Variants in COL7A1 observed in about 807,000 individuals in gnomAD.
The protein encoded by COL7A1 is collagen type VII alpha 1 chain.
In COL7A1, 296 loss-of-function variants were observed where a neutral mutation model predicts 456.2. The ratio of observed to expected loss-of-function variants is 0.65; its 90% CI spans 0.59 to 0.71. The LOEUF is 0.71. COL7A1 is among the 30% of genes least tolerant of loss of function. COL7A1 has a pLI of 0.00. For synonymous variants in COL7A1, 1,464 were observed against 1,525.9 expected (o/e 0.96, Z 0.95); for missense variants, 3,441 against 4,017.2 (o/e 0.86, Z 3.88).
In COL7A1 at chr3:48,590,873, C is replaced by G; in HGVS notation, c.1637-57G>C. The G allele has an allele frequency of 6.5e-7, 1 of 1,527,066 alleles. No homozygotes were observed. 94.6% of individuals were successfully genotyped at this position (1,527,066 alleles called of 1,614,324 possible). On this transcript the variant is annotated intron_variant, in intron 13 of 118. Transcript: ENST00000681320. The surrounding 1 kb of genome is among the most constrained non-coding windows in gnomAD (Gnocchi z 4.6). ...GTCAGAAAGAGACAGGGATGTGGGACGATGGCAGTGATGGACAGGGACGCA... is the reference window on the plus strand; with the variant it reads ...GTCAGAAAGAGACAGGGATGTGGGAGGATGGCAGTGATGGACAGGGACGCA...
In COL7A1 at chr3:48,590,672, C is replaced by G; in HGVS notation, c.1780+1G>C. 6.2e-7 allele frequency: 1 copy of G among 1,614,030 alleles called. No homozygotes were observed. Among genetic ancestry groups the G allele is most frequent in the East Asian group, 2.2e-5 (1 of 44,882 alleles). On this transcript the variant is annotated splice_donor_variant, in intron 14 of 118. Coordinates refer to ENST00000681320, the MANE Select transcript of COL7A1 (RefSeq NM_000094.4). LOFTEE classifies it high-confidence loss of function. This position sits in a 1 kb window ranked among gnomAD's most constrained non-coding sequence, Gnocchi z 4.6. ...CTCCACAAGCCTCCTGCAGTACTCACCCCGGCGGACAGTGAGGACACTGGC... is the reference window on the plus strand; with the variant it reads ...CTCCACAAGCCTCCTGCAGTACTCAGCCCGGCGGACAGTGAGGACACTGGC...
rs2043507902 is a variant in COL7A1, at chr3:48,564,241, CA to C, written c.*164del. The C allele has an allele frequency of 2.4e-6, 2 of 835,628 alleles. No individual in the cohort carries two copies. Among genetic ancestry groups the C allele is most frequent in the South Asian group, 2.9e-5 (2 of 67,964 alleles). The allele number at this position is 835,628 out of a possible 1,614,324, so 51.8% of individuals were successfully genotyped here. On this transcript the variant is annotated 3_prime_UTR_variant, in exon 119 of 119. Transcript: ENST00000681320. The surrounding 1 kb of genome is among the most constrained non-coding windows in gnomAD (Gnocchi z 6.0). ...AGGAGCCACAATGGGGGTTTGTCCA[CA>C]GGGGGGAAGGCTAGACCCACGGGAC...
rs2107786870 is a variant in COL7A1 at position 48,591,492 on chromosome 3, C to G, written c.1608G>C (p.Gln536His). ...GGGTGCTGCGCACAATGATGCGGTA[C>G]TGGGTGGCACCAGGGACTGGGCTCC... ...VSWSPVPGAT[Q>H]YRIIVRSTQG... The change falls in exon 13 of 119, where the codon CAG (glutamine) becomes CAC (histidine). Residue 536 changes from glutamine (Q) to histidine (H), a missense_variant. This residue lies in a region of COL7A1 where 913 missense variants were observed against 1,088.2 expected (regional missense o/e 0.84). Transcript: ENST00000681320. The surrounding 1 kb of genome is among the most constrained non-coding windows in gnomAD (Gnocchi z 7.0). 1 of 1,614,034 alleles carries G rather than the reference C, an allele frequency of 6.2e-7. No homozygotes were observed. Among genetic ancestry groups the G allele is most frequent in the Admixed American group, 1.7e-5 (1 of 60,020 alleles).
rs575419629 is a variant in COL7A1, at chr3:48,567,079, C to G, written c.8109+49G>C. ...AGAGGCCCCAGAGATGGACCCTCTC[C>G]CAAAGTGCACGCTCCCCTCAATTCA... is the stretch of plus-strand genomic sequence containing the variant. On this transcript the variant is annotated intron_variant, in intron 110 of 118. Transcript: ENST00000681320. The surrounding 1 kb of genome is among the most constrained non-coding windows in gnomAD (Gnocchi z 4.3). 7.2e-5 allele frequency: 116 copies of G among 1,613,294 alleles called. 3 individuals carry two copies. The South Asian group carries it at 1.3e-3, about 18-fold the overall frequency.
rs2045868741 is a variant in COL7A1 at position 48,593,649 on chromosome 3, C to CG, written c.313dup (p.Arg105ProfsTer5). 1 of 1,614,074 alleles carries CG rather than the reference C, an allele frequency of 6.2e-7. No homozygotes were observed. The highest frequency in any genetic ancestry group is 8.5e-7 in the Non-Finnish European group (1 of 1,180,042). On this transcript the variant is annotated frameshift_variant, in exon 4 of 119. Coordinates refer to ENST00000681320, the MANE Select transcript of COL7A1 (RefSeq NM_000094.4). LOFTEE classifies it high-confidence loss of function. This position sits in a 1 kb window ranked among gnomAD's most constrained non-coding sequence, Gnocchi z 4.4. ...CTTGTAGCTAAGCTCACGGATGGCG[C>CG]GGATCACATCACCCCCAGAGCCAAG...
Position 48,573,495 on chromosome 3 carries a change from CCA to C in COL7A1, c.6618+16_6618+17del. On this transcript the variant is annotated intron_variant, in intron 83 of 118. Transcript: ENST00000681320. This position sits in a 1 kb window ranked among gnomAD's most constrained non-coding sequence, Gnocchi z 5.5. ...GCTTGAAGGAGCCTCCTCCTCCTAT[CCA>C]CACACCTAGACTCACCTTCAGGCCA... 1.2e-6 allele frequency: 2 copies of C among 1,614,104 alleles called. No individual in the cohort carries two copies. Among genetic ancestry groups the C allele is most frequent in the Non-Finnish European group, 1.7e-6 (2 of 1,180,004 alleles).
chr3:48,584,795 G>A lies in COL7A1; in HGVS notation c.4012-26C>T, dbSNP rs755647921. On this transcript the variant is annotated intron_variant, in intron 34 of 118. Transcript: ENST00000681320. Reference sequence around the variant, plus strand: ...CTGAGGACGAAACAGAGCAGAGGGTGGTGCTTGGGCTCAGGCGAATGTCAA... The same window carrying A: ...CTGAGGACGAAACAGAGCAGAGGGTAGTGCTTGGGCTCAGGCGAATGTCAA... 4.5e-5 allele frequency: 72 copies of A among 1,613,978 alleles called. 1 individual carries two copies. In the South Asian group the frequency reaches 7.7e-4, roughly 17 times the overall value.
In COL7A1 at chr3:48,584,315, G is replaced by A; in HGVS notation, c.4180C>T (p.Pro1394Ser). ...DPGPRGPPGL[P>S]GTAMKGDKGD... Reference sequence around the variant, plus strand: ...GCTGTCACCTTCATGGCTGTTCCAGGAAGCCCTGGGGGGCCACGGGGTCCT... The same window carrying A: ...GCTGTCACCTTCATGGCTGTTCCAGAAAGCCCTGGGGGGCCACGGGGTCCT... Residue 1394 changes from proline (P) to serine (S), a missense_variant, in exon 37 of 119, where the codon CCT (proline) becomes TCT (serine). By Grantham distance (74) the Pro-to-Ser change is moderately conservative. Transcript: ENST00000681320. 6.2e-7 allele frequency: 1 copy of A among 1,611,508 alleles called. No homozygotes were observed. The highest frequency in any genetic ancestry group is 8.5e-7 in the Non-Finnish European group (1 of 1,178,880).
chr3:48,566,472 A>ACCCAGGCCCT lies in COL7A1; in HGVS notation c.8358+28_8358+37dup, dbSNP rs1553849630. The ACCCAGGCCCT allele has an allele frequency of 9.7e-6, 15 of 1,543,312 alleles. No homozygotes were observed. Among genetic ancestry groups the ACCCAGGCCCT allele is most frequent in the African/African-American group, 1.4e-5 (1 of 73,162 alleles). ...GTAGGGCCCCAGCCCACCCAGGCCCACCCAGGCCCTCCCAGGCCCATCCAG... is the reference window on the plus strand; with the variant it reads ...GTAGGGCCCCAGCCCACCCAGGCCCACCCAGGCCCTCCCAGGCCCTCCCAGGCCCATCCAG... On this transcript the variant is annotated intron_variant, in intron 113 of 118. Coordinates refer to ENST00000681320, the MANE Select transcript of COL7A1 (RefSeq NM_000094.4). The surrounding 1 kb of genome is among the most constrained non-coding windows in gnomAD (Gnocchi z 5.9).
chr3:48,583,396 G>T lies in COL7A1; in HGVS notation c.4434C>A (p.Pro1478=). Residue 1478 remains proline (P), a synonymous_variant, in exon 42 of 119, where the codon CCC becomes CCA. Transcript: ENST00000681320. The surrounding 1 kb of genome is among the most constrained non-coding windows in gnomAD (Gnocchi z 5.1). ...GPRGPPGAIG[P]KGDRGFPGPL... is the part of the protein sequence containing the mutation. ...GAATCCCCCAACTGGTACTCACTTT[G>T]GGGCCAATAGCTCCAGGAGGTCCCC... 6.2e-7 allele frequency: 1 copy of T among 1,614,082 alleles called. No individual in the cohort carries two copies. The highest frequency in any genetic ancestry group is 8.5e-7 in the Non-Finnish European group (1 of 1,179,968).
rs753859648 is a variant in COL7A1 at position 48,590,760 on chromosome 3, C to T, written c.1693G>A (p.Val565Ile). Residue 565 changes from valine (V) to isoleucine (I), a missense_variant, in exon 14 of 119, where the codon GTT (valine) becomes ATT (isoleucine). By Grantham distance (29) the Val-to-Ile change is conservative. Transcript: ENST00000681320. This position sits in a 1 kb window ranked among gnomAD's most constrained non-coding sequence, Gnocchi z 4.6. Reference protein sequence around the residue: ...GSQTAFDLDDVQAGLSYTVRV... With the variant: ...GSQTAFDLDDIQAGLSYTVRV... ...ACAGTGTAGCTAAGCCCAGCCTGAA[C>T]GTCATCCAAGTCGAATGCTGTCTGA... The T allele has an allele frequency of 3.1e-6, 5 of 1,613,884 alleles. No individual in the cohort carries two copies. Among genetic ancestry groups the T allele is most frequent in the East Asian group, 4.5e-5 (2 of 44,900 alleles).
rs764789081 is a variant in COL7A1 at position 48,593,110 on chromosome 3, G to A, written c.674C>T (p.Thr225Ile). 1.2e-6 allele frequency: 2 copies of A among 1,614,110 alleles called. No homozygotes were observed. The highest frequency in any genetic ancestry group is 3.3e-5 in the Admixed American group (2 of 60,014). The change falls in exon 6 of 119, where the codon ACC becomes ATC. Residue 225 changes from threonine (T) to isoleucine (I), a missense_variant. Around this residue, in one of 3 missense-constraint regions of COL7A1, gnomAD observed 913 missense variants for 1,088.2 expected, o/e 0.84. Transcript: ENST00000681320. This position sits in a 1 kb window ranked among gnomAD's most constrained non-coding sequence, Gnocchi z 4.4. ...TGTGGGCAGGAACTCACGAGGTCGG[G>A]TCACAGGCACGCCACCAGCAGTCGT... ...VCTTAGGVPV[T>I]RPPDDSTSAP...
At position 48,574,883 on chromosome 3, in the gene COL7A1, C is replaced by T. The variant is rs2044181004; in HGVS notation, c.6280-18G>A. ...ACAGACACCTACAAACACAAGGTCACAGGGGAGAGATGTCTCTGTCATAGA... is the reference window on the plus strand; with the variant it reads ...ACAGACACCTACAAACACAAGGTCATAGGGGAGAGATGTCTCTGTCATAGA... On this transcript the variant is annotated intron_variant, in intron 76 of 118. Transcript: ENST00000681320. This position sits in a 1 kb window ranked among gnomAD's most constrained non-coding sequence, Gnocchi z 5.0. The T allele has an allele frequency of 6.2e-7, 1 of 1,613,618 alleles. No homozygotes were observed. Among genetic ancestry groups the T allele is most frequent in the Non-Finnish European group, 8.5e-7 (1 of 1,179,860 alleles).
rs753699649 is a variant in COL7A1 at position 48,581,962 on chromosome 3, G to C, written c.4636-19C>G. ...CAGGTCCCTGAAAACAAACAGGACAGATACAGCTTGGCCCTGCCTTGGGGT... is the reference window on the plus strand; with the variant it reads ...CAGGTCCCTGAAAACAAACAGGACACATACAGCTTGGCCCTGCCTTGGGGT... On this transcript the variant is annotated intron_variant, in intron 47 of 118. Transcript: ENST00000681320. This position sits in a 1 kb window ranked among gnomAD's most constrained non-coding sequence, Gnocchi z 5.8. 2 of 1,614,016 alleles carry C rather than the reference G, an allele frequency of 1.2e-6. No homozygotes were observed. Among genetic ancestry groups the C allele is most frequent in the East Asian group, 2.2e-5 (1 of 44,876 alleles).
Position 48,593,720 on chromosome 3 carries a change from C to T in COL7A1, c.267-24G>A, listed in dbSNP as rs752677672. The T allele has an allele frequency of 1.2e-6, 2 of 1,614,066 alleles. No homozygotes were observed. The highest frequency in any genetic ancestry group is 2.2e-5 in the South Asian group (2 of 91,090). ...TCCTGTTGGAGGGTAGGGGTGGCAA[C>T]AGGCTAGGACTCAGGATCTCTTCTG... On this transcript the variant is annotated intron_variant, in intron 3 of 118. Transcript: ENST00000681320. This position sits in a 1 kb window ranked among gnomAD's most constrained non-coding sequence, Gnocchi z 4.4.
Position 48,573,977 on chromosome 3 carries a change from A to C in COL7A1, c.6502-87T>G. 6.6e-7 allele frequency: 1 copy of C among 1,520,610 alleles called. No individual in the cohort carries two copies. The highest frequency in any genetic ancestry group is 1.2e-5 in the South Asian group (1 of 86,078). 94.2% of individuals were successfully genotyped at this position (1,520,610 alleles called of 1,614,324 possible). The stretch of plus-strand genomic sequence containing the variant: ...CTGGGGGCTTTTTCCTTGGGGGTCA[A>C]TTTCCATACCTCACCCTTTCCAGTC... On this transcript the variant is annotated intron_variant, in intron 80 of 118. Coordinates refer to ENST00000681320, the MANE Select transcript of COL7A1 (RefSeq NM_000094.4). This position sits in a 1 kb window ranked among gnomAD's most constrained non-coding sequence, Gnocchi z 5.5.
rs557265775 is a variant in COL7A1 at position 48,581,122 on chromosome 3, C to T, written c.4935G>A (p.Pro1645=). 35 of 1,613,958 alleles carry T rather than the reference C, an allele frequency of 2.2e-5. No individual in the cohort carries two copies. Among genetic ancestry groups the T allele is most frequent in the Non-Finnish European group, 1.9e-5 (22 of 1,179,998 alleles). Residue 1645 remains proline (P), a splice_region_variant and synonymous_variant, in exon 53 of 119, where the codon CCG becomes CCA. Coordinates refer to ENST00000681320, the MANE Select transcript of COL7A1 (RefSeq NM_000094.4). This position sits in a 1 kb window ranked among gnomAD's most constrained non-coding sequence, Gnocchi z 5.8. The stretch of plus-strand genomic sequence containing the variant: ...AAACCACAGTGGGAAGGAGTCTCAC[C>T]GGAGGACCCTCGTCACCTTTCTCTC... The part of the protein sequence containing the change: ...EVGEKGDEGP[P]GDPGLPGKAG...
In COL7A1 at chr3:48,583,463, G is replaced by T. The variant is rs776014645; in HGVS notation, c.4402-35C>A. 6.2e-7 allele frequency: 1 copy of T among 1,614,158 alleles called. No individual in the cohort carries two copies. Among genetic ancestry groups the T allele is most frequent in the Non-Finnish European group, 8.5e-7 (1 of 1,180,036 alleles). On this transcript the variant is annotated intron_variant, in intron 41 of 118. Coordinates refer to ENST00000681320, the MANE Select transcript of COL7A1 (RefSeq NM_000094.4). The surrounding 1 kb of genome is among the most constrained non-coding windows in gnomAD (Gnocchi z 5.1). The stretch of plus-strand genomic sequence containing the variant: ...ATGAATTTGGGGGTTCAGAGATTTG[G>T]GTTTGGGCATGAGGATGGAGCAGTG...
In COL7A1 at chr3:48,573,653, C is replaced by G; in HGVS notation, c.6573+37G>C. ...GTGGCCAATGCCTATCCCAGCCCTTCCAGACCCTCACCAGGCAGTGTTCCC... is the reference window on the plus strand; with the variant it reads ...GTGGCCAATGCCTATCCCAGCCCTTGCAGACCCTCACCAGGCAGTGTTCCC... On this transcript the variant is annotated intron_variant, in intron 82 of 118. Transcript: ENST00000681320. The surrounding 1 kb of genome is among the most constrained non-coding windows in gnomAD (Gnocchi z 5.5). The G allele has an allele frequency of 6.2e-7, 1 of 1,612,758 alleles. No homozygotes were observed. The highest frequency in any genetic ancestry group is 8.5e-7 in the Non-Finnish European group (1 of 1,179,386).
Sources: gnomAD v4.1 joint callset for allele counts on GRCh38, gnomAD v4.1.1 for gene constraint, gnomAD v4.1.1 regional missense constraint, Gnocchi (gnomAD v3.1) non-coding constraint, MANE v1.5 for transcripts, NCBI Gene and HGNC (gene_info 2026-07-23, HGNC 2026-07-21) for gene names.